Variants in MINDY3 observed in about 807,000 individuals in gnomAD.
MINDY3 encodes MINDY lysine 48 deubiquitinase 3, also known as ubiquitin carboxyl-terminal hydrolase MINDY-3.
In MINDY3, 38 loss-of-function variants were observed where a neutral mutation model predicts 69.2. The ratio of observed to expected loss-of-function variants is 0.55; its 90% CI spans 0.42 to 0.72. The LOEUF is 0.72. Among genes scored for constraint, MINDY3 ranks in the 30% least tolerant of loss-of-function variants. The pLI is 0.00. For synonymous variants in MINDY3, 192 were observed against 180.1 expected (o/e 1.07, Z -0.53); for missense variants, 522 against 519.0 (o/e 1.01, Z -0.06).
At chr10:15,812,706 G>C (rs1333261869) in intron 10 of MINDY3, among the ~76,000 whole-genome samples, 1 of 152,188 alleles carries the variant, frequency 6.6e-6, no homozygotes, top group Non-Finnish European at 1.5e-5. Flanking sequence ...GCCTGTCTGA[G>C]AGGTACCTCT....
intron 9 of MINDY3, among the ~76,000 whole-genome samples, chr10:15,820,710 A>G (rs1268554777): frequency 6.6e-6 from 1 of 152,226 alleles, no homozygotes; most frequent in Non-Finnish European, 1.5e-5. Flanking sequence ...GTGAAACATG[A>G]AAAAGGAACG....
intron 3 of MINDY3, among the ~76,000 whole-genome samples, chr10:15,842,209 T>C (rs116675836): frequency 0.017 from 2,595 of 151,950 alleles, 54 homozygotes; most frequent in African/African-American, 0.056. Flanking sequence ...TCAAGCAGTA[T>C]TACTCTCAAG....
chr10:15,834,491 G>T, intron 7 of MINDY3, 52 bp downstream of exon 7: 1 of 1,302,660 alleles, frequency 7.7e-7, no homozygotes, highest in Non-Finnish European at 1.1e-6. Flanking sequence ...CTGAAGTCAA[G>T]TTTCTAAAAA....
At chr10:15,836,807 A>G (rs1833114025) in intron 6 of MINDY3, among the ~76,000 whole-genome samples, 1 of 151,868 alleles carries the variant, frequency 6.6e-6, no homozygotes, top group African/African-American at 2.4e-5. Flanking sequence ...AAAACAAAAC[A>G]AAATAAGAAT....
At chr10:15,793,893 C>T (rs539277554) in intron 11 of MINDY3, among the ~76,000 whole-genome samples, 1 of 152,200 alleles carries the variant, frequency 6.6e-6, no homozygotes, top group Non-Finnish European at 1.5e-5. Context: ...GGTTTATGCT[C>T]CAAACGATCA....
intron 1 of MINDY3, among the ~76,000 whole-genome samples, chr10:15,849,888 G>A (rs1834153197): frequency 6.6e-6 from 1 of 152,090 alleles, no homozygotes; most frequent in South Asian, 2.1e-4. Flanking sequence ...ATCTATATAT[G>A]CCCTGTTTCA....
At chr10:15,799,283 T>TCCAC (rs1283392026) in intron 10 of MINDY3, among the ~76,000 whole-genome samples, 1 of 152,090 alleles carries the variant, frequency 6.6e-6, no homozygotes, top group Non-Finnish European at 1.5e-5. Context: ...CACTGCAACC[T>TCCAC]CCACCTCCCA....
rs768116455 is a variant in MINDY3, at chr10:15,833,937, A to G, written c.651-228T>C. 1.1e-3 allele frequency among the ~76,000 whole-genome samples: 161 copies of G among 152,214 alleles called. 1 individual carries two copies. Among genetic ancestry groups the G allele is most frequent in the Middle Eastern group, 3.4e-3 (1 of 294 alleles). On this transcript the variant is annotated intron_variant, in intron 7 of 14. Coordinates refer to ENST00000277632, the MANE Select transcript of MINDY3 (RefSeq NM_024948.4). ...TTCTACATATTCACATACATTTAACAACTTTATCTAAGATATATTTAAATG... is the reference window on the plus strand; with the variant it reads ...TTCTACATATTCACATACATTTAACGACTTTATCTAAGATATATTTAAATG...
At chr10:15,789,683 C>A (rs757021886) in intron 11 of MINDY3, among the ~76,000 whole-genome samples, 24 of 152,086 alleles carry the variant, frequency 1.6e-4, no homozygotes, top group Non-Finnish European at 2.9e-4. Context: ...TTGCATTTAA[C>A]AATTCAATTA....
intron 1 of MINDY3, among the ~76,000 whole-genome samples, chr10:15,854,821 T>C (rs982403959): frequency 1.2e-4 from 18 of 151,984 alleles, no homozygotes; most frequent in African/African-American, 4.1e-4. Context: ...ATAGAGAAGA[T>C]ACATGTAACA....
In MINDY3 at chr10:15,796,113, G is replaced by C. The variant is rs1003158268; in HGVS notation, c.942C>G (p.Thr314=). Residue 314 remains threonine, a synonymous_variant, in exon 11 of 15, where the codon ACC becomes ACG. Coordinates refer to ENST00000277632, the MANE Select transcript of MINDY3 (RefSeq NM_024948.4). ...PSEQARRVFQ[T]YDPEDNGFIP... is the part of the protein sequence containing the mutation. Reference sequence around the variant, plus strand: ...AAAATCTTTTACCTTCTGGGTCGTAGGTTTGAAAAACTCTTCTGGCTTGTT... The same window carrying C: ...AAAATCTTTTACCTTCTGGGTCGTACGTTTGAAAAACTCTTCTGGCTTGTT... 46 of 1,612,262 alleles carry C rather than the reference G, an allele frequency of 2.9e-5. No homozygotes were observed. Among genetic ancestry groups the C allele is most frequent in the Non-Finnish European group, 3.6e-5 (43 of 1,178,812 alleles).
chr10:15,860,370 G>A lies in MINDY3; in HGVS notation c.-71C>T, dbSNP rs2132172277. On this transcript the variant is annotated 5_prime_UTR_variant, in exon 1 of 15. Coordinates refer to ENST00000277632, the MANE Select transcript of MINDY3 (RefSeq NM_024948.4). ...CGGAACATGGGGAAGGGGCAACTCCGGAAACAGCAGCTGCGGGACGGCGGC... is the reference window on the plus strand; with the variant it reads ...CGGAACATGGGGAAGGGGCAACTCCAGAAACAGCAGCTGCGGGACGGCGGC... 4 of 1,117,068 alleles carry A rather than the reference G, an allele frequency of 3.6e-6. No homozygotes were observed. The highest frequency in any genetic ancestry group is 5.1e-5 in the East Asian group (2 of 39,330). 69.2% of individuals were successfully genotyped at this position (1,117,068 alleles called of 1,614,324 possible).
intron 8 of MINDY3, among the ~76,000 whole-genome samples, chr10:15,826,690 A>G (rs1002493144): frequency 1.3e-5 from 2 of 152,202 alleles, no homozygotes; most frequent in Non-Finnish European, 2.9e-5. Flanking sequence ...AAACTATGTA[A>G]TTGTGAAGTT....
chr10:15,792,215 A>C (rs773994140), intron 11 of MINDY3, among the ~76,000 whole-genome samples: 3 of 152,012 alleles, frequency 2.0e-5, no homozygotes, highest in Non-Finnish European at 2.9e-5. Flanking sequence ...CACACACCAG[A>C]GCTGAGCTTT....
At chr10:15,841,635 CTCTGG>C in intron 3 of MINDY3, 36 bp from the exon 4 acceptor site, 1 of 1,441,612 alleles carries the variant, frequency 6.9e-7, no homozygotes, top group Non-Finnish European at 9.3e-7. Flanking sequence ...TAATGGTTTC[CTCTGG>C]AAAAAAAAAA....
chr10:15,786,792 ACACAGG>A (rs1837004854), intron 12 of MINDY3, 144 bp from the exon 13 acceptor site: 1 of 610,924 alleles, frequency 1.6e-6, no homozygotes, highest in Non-Finnish European at 2.9e-6. Flanking sequence ...AATGACAAAT[ACACAGG>A]AATGACATCT....
At chr10:15,787,808 G>C (rs1837089929) in intron 12 of MINDY3, among the ~76,000 whole-genome samples, 3 of 152,030 alleles carry the variant, frequency 2.0e-5, no homozygotes. Context: ...AGTAAGGCCG[G>C]GAAGTTATGA....
At chr10:15,800,985 T>G (rs1838217575) in intron 10 of MINDY3, among the ~76,000 whole-genome samples, 2 of 152,266 alleles carry the variant, frequency 1.3e-5, no homozygotes, top group South Asian at 4.1e-4. Context: ...GTGGAGAACT[T>G]AATGCCAGCA....
Position 15,860,421 on chromosome 10 carries a change from G to C in MINDY3, c.-122C>G. The C allele has an allele frequency of 2.6e-6, 2 of 756,992 alleles. No individual in the cohort carries two copies. The highest frequency in any genetic ancestry group is 4.6e-6 in the Non-Finnish European group (2 of 435,800). 46.9% of individuals were successfully genotyped at this position (756,992 alleles called of 1,614,324 possible). ...GGCAAACGAATTGGAAGGTGAGGCAGGAAAGAAGAAGGGGCTGAGAGCCAC... is the reference window on the plus strand; with the variant it reads ...GGCAAACGAATTGGAAGGTGAGGCACGAAAGAAGAAGGGGCTGAGAGCCAC... On this transcript the variant is annotated 5_prime_UTR_variant, in exon 1 of 15. Transcript: ENST00000277632.
Sources: allele counts gnomAD v4.1 joint callset (sites outside exome capture counted in the v4.1 genomes callset), GRCh38; gene constraint gnomAD v4.1.1; transcripts MANE v1.5; gene names NCBI Gene and HGNC (gene_info 2026-07-23, HGNC 2026-07-21).